The following LMTK2 variants were observed in gnomAD, a reference collection of about 807,000 sequenced individuals.
LMTK2 encodes the protein lemur tail kinase 2.
In LMTK2, 37 loss-of-function variants were observed where a neutral mutation model predicts 127.5. The observed-to-expected ratio is 0.29, with a 90% CI of 0.22 to 0.38. The LOEUF (loss-of-function observed/expected upper bound fraction) is 0.38, where lower values mean the gene tolerates loss of function less well. LMTK2 is among the 10% of genes least tolerant of loss of function. The pLI is 1.00. For synonymous variants in LMTK2, 819 were observed against 810.1 expected (o/e 1.01, Z -0.19); for missense variants, 1,694 against 1,920.3 (o/e 0.88, Z 2.20).
At chr7:98,140,778 T>G (rs1332957328) in intron 2 of LMTK2, among the ~76,000 whole-genome samples, 1 of 152,054 alleles carries the variant, frequency 6.6e-6, no homozygotes, top group African/African-American at 2.4e-5. Context: ...AAAGAATTGC[T>G]TGGCCAGGCG....
At chr7:98,156,293 G>A (rs567283703) in intron 5 of LMTK2, among the ~76,000 whole-genome samples, 11 of 152,070 alleles carry the variant, frequency 7.2e-5, no homozygotes, top group South Asian at 2.1e-4. Context: ...GTGAAGCCCC[G>A]TCTCTACTAA....
At chr7:98,125,968 C>T (rs1247771352) in intron 1 of LMTK2, among the ~76,000 whole-genome samples, 1 of 152,190 alleles carries the variant, frequency 6.6e-6, no homozygotes, top group Non-Finnish European at 1.5e-5. Flanking sequence ...TACTTCCTCT[C>T]TGAAGAGAGA....
At position 98,193,065 on chromosome 7, in the gene LMTK2, T is replaced by G; in HGVS notation, c.2600T>G (p.Val867Gly). The G allele has an allele frequency of 6.2e-7, 1 of 1,613,782 alleles. No homozygotes were observed. The highest frequency in any genetic ancestry group is 2.2e-5 in the East Asian group (1 of 44,858). The stretch of plus-strand genomic sequence containing the variant: ...AGTCCAGACGCTGTGACTGTCCCGG[T>G]TGAAATTCTCTCAACTGATGCCAGA... The part of the protein sequence containing the change: ...DISPDAVTVP[V>G]EILSTDARTH... Residue 867 changes from valine (V) to glycine (G), a missense_variant, in exon 11 of 14, where the codon GTT (valine) becomes GGT (glycine). This residue lies in a region of LMTK2 where 527 missense variants were observed against 539.8 expected (regional missense o/e 0.98). Coordinates refer to ENST00000297293, the MANE Select transcript of LMTK2 (RefSeq NM_014916.4). This position sits in a 1 kb window ranked among gnomAD's most constrained non-coding sequence, Gnocchi z 4.1.
intron 7 of LMTK2, among the ~76,000 whole-genome samples, chr7:98,176,762 G>A (rs1181505085): frequency 3.3e-5 from 5 of 152,100 alleles, no homozygotes; most frequent in Non-Finnish European, 5.9e-5. Context: ...CAGGAGAATC[G>A]CTTGAACCCG....
At chr7:98,160,357 C>G (rs1319455572) in intron 6 of LMTK2, among the ~76,000 whole-genome samples, 1 of 152,154 alleles carries the variant, frequency 6.6e-6, no homozygotes, top group Non-Finnish European at 1.5e-5. Context: ...CTCTCATTGG[C>G]AGAGGTGGTT....
intron 1 of LMTK2, among the ~76,000 whole-genome samples, chr7:98,108,699 G>C (rs569281867): frequency 6.6e-6 from 1 of 152,306 alleles, no homozygotes; most frequent in Non-Finnish European, 1.5e-5. Context: ...GATATTTAAA[G>C]ATATTGATAT....
intron 1 of LMTK2, among the ~76,000 whole-genome samples, chr7:98,125,671 T>C (rs907819713): frequency 1.3e-5 from 2 of 152,216 alleles, no homozygotes. Context: ...GAATTGTCTT[T>C]GGGCTTATTT....
intron 1 of LMTK2, among the ~76,000 whole-genome samples, chr7:98,109,075 G>A (rs1255671341): frequency 1.3e-5 from 2 of 151,904 alleles, no homozygotes; most frequent in African/African-American, 2.4e-5. Flanking sequence ...TGGCCAGGCC[G>A]GTCTTGAACT....
chr7:98,166,275 T>C (rs1239669386), intron 6 of LMTK2, among the ~76,000 whole-genome samples: 1 of 152,236 alleles, frequency 6.6e-6, no homozygotes, highest in Non-Finnish European at 1.5e-5. Context: ...AACCAAGGTG[T>C]GCACCTGTAG....
chr7:98,138,833 T>C (rs1409422130), intron 2 of LMTK2, among the ~76,000 whole-genome samples: 1 of 152,232 alleles, frequency 6.6e-6, no homozygotes, highest in Non-Finnish European at 1.5e-5. Flanking sequence ...GGAGTTCATT[T>C]GAGAGCCAGG....
chr7:98,134,317 A>C (rs1179990937), intron 1 of LMTK2, among the ~76,000 whole-genome samples: 1 of 152,266 alleles, frequency 6.6e-6, no homozygotes, highest in Non-Finnish European at 1.5e-5. Context: ...CAGTTAAGCT[A>C]ACTTGAAGTG....
chr7:98,203,211 A>G (rs903593), intron 11 of LMTK2, among the ~76,000 whole-genome samples: 150,805 of 152,366 alleles, frequency 0.99, 74,647 homozygotes, highest in Middle Eastern at 1. Flanking sequence ...TGTCCAGGGC[A>G]GTGCCCACTT....
rs1046790759 is a variant in LMTK2, at chr7:98,192,895, C to T, written c.2430C>T (p.Ser810=). The part of the protein sequence containing the change: ...GDTLSTSLQS[S]PEVQVPPTSF... ...CTTTGAGCACCTCATTGCAGTCTTC[C>T]CCGGAAGTGCAGGTACCTCCTACCT... Residue 810 remains serine, a synonymous_variant, in exon 11 of 14, where the codon TCC becomes TCT. Transcript: ENST00000297293. 1 of 1,614,114 alleles carries T rather than the reference C, an allele frequency of 6.2e-7. No homozygotes were observed. Among genetic ancestry groups the T allele is most frequent in the Non-Finnish European group, 8.5e-7 (1 of 1,179,994 alleles).
rs1051305143 is a variant in LMTK2, at chr7:98,117,742, G to A, written c.103+10462G>A. Among the ~76,000 whole-genome samples, 4 of 152,060 alleles carry A rather than the reference G, an allele frequency of 2.6e-5. No homozygotes were observed. In the East Asian group the frequency reaches 7.7e-4, roughly 29 times the overall value. On this transcript the variant is annotated intron_variant, in intron 1 of 13. Coordinates refer to ENST00000297293, the MANE Select transcript of LMTK2 (RefSeq NM_014916.4). ...AGCACTTTGGGAGGCCGAGGTGGGC[G>A]GATCACTTGAGGTCAGGAGTTCAAG...
intron 2 of LMTK2, among the ~76,000 whole-genome samples, chr7:98,140,405 G>A (rs887874060): frequency 1.4e-4 from 21 of 151,992 alleles, no homozygotes; most frequent in African/African-American, 4.8e-4. Flanking sequence ...ACCTGCCTCA[G>A]CTTCCCAAAG....
rs1178728561 is a variant in LMTK2 at position 98,194,288 on chromosome 7, C to T, written c.3823C>T (p.Leu1275Phe). ...GGGGAAACTCGGGGTGTCAGGGATG[C>T]TCGACCTCTCAGAGGACGGGATGGA... ...YLGKLGVSGM[L>F]DLSEDGMDAD... Residue 1275 changes from leucine (L) to phenylalanine (F), a missense_variant, in exon 11 of 14, where the codon CTC becomes TTC. This residue lies in a region of LMTK2 where 554 missense variants were observed against 567.7 expected (regional missense o/e 0.98). Coordinates refer to ENST00000297293, the MANE Select transcript of LMTK2 (RefSeq NM_014916.4). This position sits in a 1 kb window ranked among gnomAD's most constrained non-coding sequence, Gnocchi z 5.4. 3 of 1,614,188 alleles carry T rather than the reference C, an allele frequency of 1.9e-6. No individual in the cohort carries two copies. Among genetic ancestry groups the T allele is most frequent in the Non-Finnish European group, 2.5e-6 (3 of 1,180,028 alleles).
At chr7:98,202,801 G>A (rs1038468420) in intron 11 of LMTK2, among the ~76,000 whole-genome samples, 3 of 152,010 alleles carry the variant, frequency 2.0e-5, no homozygotes, top group African/African-American at 7.2e-5. Context: ...AACTTCATCG[G>A]GTCACCTTTT....
chr7:98,160,630 T>C (rs1241926425), intron 6 of LMTK2, among the ~76,000 whole-genome samples: 3 of 152,180 alleles, frequency 2.0e-5, no homozygotes, highest in Non-Finnish European at 1.5e-5. Context: ...GTCAAGTTTG[T>C]GAGGTTGTTT....
intron 11 of LMTK2, among the ~76,000 whole-genome samples, chr7:98,198,319 T>C (rs1227862524): frequency 1.3e-5 from 2 of 151,332 alleles, no homozygotes; most frequent in African/African-American, 2.4e-5. Flanking sequence ...ACCTCCTCAA[T>C]AGCTGGGATT....
Sources: gnomAD v4.1 joint callset for allele counts (sites outside exome capture counted in the v4.1 genomes callset) on GRCh38, gnomAD v4.1.1 for gene constraint, gnomAD v4.1.1 regional missense constraint, Gnocchi (gnomAD v3.1) non-coding constraint, MANE v1.5 for transcripts, NCBI Gene and HGNC (gene_info 2026-07-23, HGNC 2026-07-21) for gene names.